Variants in NUP153 observed in about 807,000 individuals in gnomAD.
The protein encoded by NUP153 is nuclear pore complex protein Nup153.
Under a neutral mutation model 134.6 loss-of-function variants are expected in NUP153, and 27 were observed. That is an observed-to-expected ratio of 0.20 (90% CI 0.15 to 0.28). The LOEUF (loss-of-function observed/expected upper bound fraction) is 0.28, where lower values mean the gene tolerates loss of function less well. Among genes scored for constraint, NUP153 ranks in the 10% least tolerant of loss-of-function variants. The pLI is 1.00. For synonymous variants in NUP153, 640 were observed against 623.5 expected, an observed-to-expected ratio of 1.03 and a Z score of -0.40; for missense variants, 1,821 against 1,731.3, an observed-to-expected ratio of 1.05 and a Z score of -0.92.
intron 1 of NUP153, among the ~76,000 whole-genome samples, chr6:17,697,271 T>C (rs890339932): frequency 1.3e-5 from 2 of 152,176 alleles, no homozygotes; most frequent in African/African-American, 4.8e-5. Flanking sequence ...GCCACTGAGA[T>C]TTAGACTAAT....
intron 11 of NUP153, among the ~76,000 whole-genome samples, chr6:17,650,154 A>C (rs1766429796): frequency 6.6e-6 from 1 of 152,196 alleles, no homozygotes; most frequent in South Asian, 2.1e-4. Context: ...AGTATAAAGA[A>C]ACAATCATCT....
At chr6:17,618,606 C>T (rs1037126177) in intron 20 of NUP153, among the ~76,000 whole-genome samples, 2 of 150,724 alleles carry the variant, frequency 1.3e-5, no homozygotes, top group African/African-American at 2.4e-5. Flanking sequence ...GGCTCTGTTG[C>T]CCAGGCTGGA....
chr6:17,625,939 T>C lies in NUP153; in HGVS notation c.3770A>G (p.Asp1257Gly), dbSNP rs1479819544. Reference protein sequence around the residue: ...STSQSLLFSQDSKLATTSSTG... With the variant: ...STSQSLLFSQGSKLATTSSTG... ...GCTGGATGTGGTTGCTAGTTTGCTA[T>C]CTTGAGAAAATAGCAAAGACTGAGA... The change falls in exon 19 of 22, where the codon GAT becomes GGT. Residue 1257 changes from aspartate to glycine, a missense_variant. Asp to Gly is a moderately conservative substitution (Grantham distance 94, BLOSUM62 -1). Coordinates refer to ENST00000262077, the MANE Select transcript of NUP153 (RefSeq NM_005124.4). This position sits in a 1 kb window ranked among gnomAD's most constrained non-coding sequence, Gnocchi z 4.7. 6.2e-6 allele frequency: 10 copies of C among 1,614,046 alleles called. No individual in the cohort carries two copies. Among genetic ancestry groups the C allele is most frequent in the Non-Finnish European group, 8.5e-6 (10 of 1,180,038 alleles).
At chr6:17,642,758 A>G (rs2113791209) in intron 14 of NUP153, among the ~76,000 whole-genome samples, 1 of 152,348 alleles carries the variant, frequency 6.6e-6, no homozygotes, top group African/African-American at 2.4e-5. Context: ...AGCACTATTC[A>G]CAATAGCCAA....
intron 20 of NUP153, among the ~76,000 whole-genome samples, chr6:17,617,786 A>C (rs1764414920): frequency 6.6e-6 from 1 of 152,106 alleles, no homozygotes; most frequent in Admixed American, 6.6e-5. Flanking sequence ...TCGAGGACGC[A>C]GTGTGCCCTG....
chr6:17,625,106 C>CTAT lies in NUP153; in HGVS notation c.3902-274_3902-273insATA, dbSNP rs1407751202. On this transcript the variant is annotated intron_variant, in intron 19 of 21. Coordinates refer to ENST00000262077, the MANE Select transcript of NUP153 (RefSeq NM_005124.4). This position sits in a 1 kb window ranked among gnomAD's most constrained non-coding sequence, Gnocchi z 4.7. ...GACAATTTCTGGTAAAGGAACATAT[C>CTAT]TCAGAATAATCTCCCACCAGAAATT... is the stretch of plus-strand genomic sequence containing the variant. Among the ~76,000 whole-genome samples the CTAT allele has an allele frequency of 6.6e-6, 1 of 152,200 alleles. No homozygotes were observed. Among genetic ancestry groups the CTAT allele is most frequent in the Non-Finnish European group, 1.5e-5 (1 of 68,034 alleles).
chr6:17,690,177 C>A (rs1039971386), intron 1 of NUP153, among the ~76,000 whole-genome samples: 1 of 147,754 alleles, frequency 6.8e-6, no homozygotes, highest in Non-Finnish European at 1.5e-5. Context: ...ACAGTGAAAC[C>A]GCGTCTCTAC....
intron 14 of NUP153, among the ~76,000 whole-genome samples, chr6:17,645,199 T>C (rs1214714562): frequency 1.4e-5 from 2 of 147,124 alleles, no homozygotes; most frequent in Admixed American, 1.4e-4. Flanking sequence ...GCCAAGACCG[T>C]GCCATTGCAC....
At chr6:17,651,804 AAAATTG>A in intron 11 of NUP153, 1 of 565,744 alleles carries the variant, frequency 1.8e-6, no homozygotes, top group Non-Finnish European at 3.4e-6. Context: ...CCATGAAACA[AAAATTG>A]AGGTTAGGCA....
In NUP153 at chr6:17,616,026, A is replaced by AG; in HGVS notation, c.*70_*71insC. ...ATCTGACTTCAGATAACCCCAGCAC[A>AG]AAGTACAATCCAGTATCTGAAAGCA... On this transcript the variant is annotated 3_prime_UTR_variant, in exon 22 of 22. Transcript: ENST00000262077. The AG allele has an allele frequency of 6.2e-6, 7 of 1,121,896 alleles. No homozygotes were observed. The highest frequency in any genetic ancestry group is 9.5e-6 in the Non-Finnish European group (7 of 740,234). The allele number at this position is 1,121,896 out of a possible 1,614,324, so 69.5% of individuals were successfully genotyped here. A position where few individuals can be genotyped will look rare whatever the true frequency, so the allele number is the denominator to read the frequency against.
In NUP153 at chr6:17,628,609, G is replaced by C; in HGVS notation, c.3544+46C>G. ...AAGGCAACTTGTAAAACGACAACTT[G>C]TAAAAAAAAAAATAATAATAATAAT... On this transcript the variant is annotated intron_variant, in intron 18 of 21. Transcript: ENST00000262077. The surrounding 1 kb of genome is among the most constrained non-coding windows in gnomAD (Gnocchi z 5.4). 1 of 587,258 alleles carries C rather than the reference G, an allele frequency of 1.7e-6. No homozygotes were observed. Among genetic ancestry groups the C allele is most frequent in the Non-Finnish European group, 2.1e-6 (1 of 472,568 alleles). The allele number at this position is 587,258 out of a possible 1,614,324, so 36.4% of individuals were successfully genotyped here.
At chr6:17,660,442 G>A (rs1305882734) in intron 11 of NUP153, among the ~76,000 whole-genome samples, 1 of 151,986 alleles carries the variant, frequency 6.6e-6, no homozygotes, top group Non-Finnish European at 1.5e-5. Flanking sequence ...TAGAAAAAAA[G>A]AGCAATATAT....
At chr6:17,650,216 T>C (rs1481860426) in intron 11 of NUP153, among the ~76,000 whole-genome samples, 1 of 152,082 alleles carries the variant, frequency 6.6e-6, no homozygotes, top group Non-Finnish European at 1.5e-5. Context: ...GAGAGGACAC[T>C]TGGAAAATGG....
chr6:17,637,041 ATATG>A (rs1312948003), intron 16 of NUP153, 108 bp downstream of exon 16: 4 of 1,061,320 alleles, frequency 3.8e-6, no homozygotes, highest in Admixed American at 2.4e-5. Context: ...AGAAAAATTA[ATATG>A]TATGAGAAAT....
rs1022645471 is a variant in NUP153, at chr6:17,669,166, C to A, written c.1014+127G>T. The A allele has an allele frequency of 1.7e-5, 18 of 1,029,520 alleles. No homozygotes were observed. In the African/African-American group the frequency reaches 2.1e-4, roughly 12 times the overall value. The allele number at this position is 1,029,520 out of a possible 1,614,324, so 63.8% of individuals were successfully genotyped here. A position where few individuals can be genotyped will look rare whatever the true frequency, so the allele number is the denominator to read the frequency against. On this transcript the variant is annotated intron_variant, in intron 7 of 21. Transcript: ENST00000262077. Reference sequence around the variant, plus strand: ...CGATCTTGACTCACTGCAACCTCTGCCTCCCAAGTTCAAGTGATTCTCCTG... The same window carrying A: ...CGATCTTGACTCACTGCAACCTCTGACTCCCAAGTTCAAGTGATTCTCCTG...
Position 17,675,489 on chromosome 6 carries a change from C to A in NUP153, c.583+33G>T. The A allele has an allele frequency of 6.2e-7, 1 of 1,608,880 alleles. No individual in the cohort carries two copies. The highest frequency in any genetic ancestry group is 1.3e-5 in the African/African-American group (1 of 74,774). On this transcript the variant is annotated intron_variant, in intron 3 of 21. Coordinates refer to ENST00000262077, the MANE Select transcript of NUP153 (RefSeq NM_005124.4). This position sits in a 1 kb window ranked among gnomAD's most constrained non-coding sequence, Gnocchi z 4.4. ...AAACCCATAAAATTTAATGTTACTA[C>A]CCAAATTATGTACTACCACATGTCA...
At chr6:17,644,929 C>A (rs1178864940) in intron 14 of NUP153, among the ~76,000 whole-genome samples, 1 of 152,030 alleles carries the variant, frequency 6.6e-6, no homozygotes, top group Non-Finnish European at 1.5e-5. Flanking sequence ...ATTAAAAATA[C>A]AAAAAAATTA....
intron 14 of NUP153, among the ~76,000 whole-genome samples, chr6:17,640,709 T>C (rs185364190): frequency 6.6e-6 from 1 of 152,290 alleles, no homozygotes; most frequent in Admixed American, 6.5e-5. Context: ...CTCAAACTCC[T>C]GGGCTTAAGC....
rs553780204 is a variant in NUP153, at chr6:17,682,050, AT to A, written c.335-6281del. 6.9e-3 allele frequency among the ~76,000 whole-genome samples: 1,055 copies of A among 152,228 alleles called. 10 individuals are homozygous for A. The highest frequency in any genetic ancestry group is 0.012 in the Non-Finnish European group (801 of 68,010). On this transcript the variant is annotated intron_variant, in intron 2 of 21. Transcript: ENST00000262077. ...CAGTGAGGCCTCACGTCTACTAAAA[AT>A]TTTTAAAACATAGCTAGGCATGGCA...
Sources: gnomAD v4.1 joint callset for allele counts (sites outside exome capture counted in the v4.1 genomes callset) on GRCh38, gnomAD v4.1.1 for gene constraint, Gnocchi (gnomAD v3.1) non-coding constraint, MANE v1.5 for transcripts, NCBI Gene and HGNC (gene_info 2026-07-23, HGNC 2026-07-21) for gene names.